Variants in GATAD2B observed in about 807,000 individuals in gnomAD.
The protein encoded by GATAD2B is transcriptional repressor p66-beta.
GATAD2B carries 8 observed loss-of-function variants against 64.3 expected under a neutral mutation model. The observed-to-expected ratio is 0.12, with a 90% CI of 0.07 to 0.22. GATAD2B has a LOEUF of 0.22. Ranked by LOEUF, GATAD2B falls within the 10% of genes least tolerant of loss-of-function variation. GATAD2B has a pLI of 1.00. For synonymous variants in GATAD2B, 281 were observed against 271.3 expected (o/e 1.04, Z -0.35); for missense variants, 453 against 752.0 (o/e 0.60, Z 4.65).
chr1:153,859,434 C>T (rs1179178268), intron 1 of GATAD2B, among the ~76,000 whole-genome samples: 2 of 151,402 alleles, frequency 1.3e-5, no homozygotes, highest in Non-Finnish European at 2.9e-5. Flanking sequence ...CTTTGGGAGA[C>T]CCAGGTGGGT....
At chr1:153,841,751 C>T (rs1557797466) in intron 1 of GATAD2B, among the ~76,000 whole-genome samples, 1 of 152,098 alleles carries the variant, frequency 6.6e-6, no homozygotes, top group Non-Finnish European at 1.5e-5. Flanking sequence ...CTGCTATGAA[C>T]ATTCATGGGA....
chr1:153,914,020 G>A (rs1262609271), intron 1 of GATAD2B, among the ~76,000 whole-genome samples: 2 of 150,836 alleles, frequency 1.3e-5, no homozygotes, highest in Admixed American at 1.3e-4. Flanking sequence ...CAAGGCAGGC[G>A]GATCACAAGG....
chr1:153,915,914 T>A (rs1210132120), intron 1 of GATAD2B, among the ~76,000 whole-genome samples: 1 of 152,056 alleles, frequency 6.6e-6, no homozygotes, highest in African/African-American at 2.4e-5. Context: ...ACTAAATACT[T>A]TTAAGATGAG....
chr1:153,919,930 A>G (rs577988067), intron 1 of GATAD2B, among the ~76,000 whole-genome samples: 3 of 152,250 alleles, frequency 2.0e-5, no homozygotes, highest in African/African-American at 7.2e-5. Context: ...TTATGGCTCA[A>G]ATCTTACGAT....
intron 3 of GATAD2B, 110 bp downstream of exon 3, chr1:153,819,496 G>T: frequency 2.7e-6 from 2 of 752,506 alleles, no homozygotes; most frequent in Non-Finnish European, 4.3e-6. Context: ...TCATCAATGG[G>T]TATTTATATC....
At chr1:153,902,861 T>C (rs1557830546) in intron 1 of GATAD2B, among the ~76,000 whole-genome samples, 1 of 152,192 alleles carries the variant, frequency 6.6e-6, no homozygotes, top group Admixed American at 6.6e-5. Context: ...CATACTACTT[T>C]ACATAGTAGG....
chr1:153,847,059 TG>T (rs1675712396), intron 1 of GATAD2B, among the ~76,000 whole-genome samples: 1 of 152,010 alleles, frequency 6.6e-6, no homozygotes, highest in South Asian at 2.1e-4. Flanking sequence ...CTCTGCTTCC[TG>T]GTTTTAAGTG....
chr1:153,873,755 G>A (rs1429412405), intron 1 of GATAD2B, among the ~76,000 whole-genome samples: 3 of 152,144 alleles, frequency 2.0e-5, no homozygotes, highest in Non-Finnish European at 4.4e-5. Flanking sequence ...TCCAGCCTAG[G>A]CAACATAGTG....
intron 1 of GATAD2B, among the ~76,000 whole-genome samples, chr1:153,875,465 A>C (rs1472984309): frequency 1.3e-5 from 2 of 152,172 alleles, no homozygotes; most frequent in Non-Finnish European, 2.9e-5. Flanking sequence ...CAGGTTAGAC[A>C]AGCTTGATCT....
chr1:153,877,470 T>A (rs932657652), intron 1 of GATAD2B, among the ~76,000 whole-genome samples: 21 of 151,674 alleles, frequency 1.4e-4, no homozygotes, highest in African/African-American at 2.2e-4. Context: ...AAAAAAAAAA[T>A]TTCTCATCTA....
At chr1:153,820,806 T>C (rs1674651463) in intron 2 of GATAD2B, among the ~76,000 whole-genome samples, 4 of 151,798 alleles carry the variant, frequency 2.6e-5, no homozygotes, top group Admixed American at 2.6e-4. Context: ...ATTTTTGTAC[T>C]TTTTGTAGAG....
At chr1:153,815,297 A>AAAAAAAAAAAAAAAG (rs1674438675) in intron 7 of GATAD2B, among the ~76,000 whole-genome samples, 1 of 148,582 alleles carries the variant, frequency 6.7e-6, no homozygotes, top group Non-Finnish European at 1.5e-5. Context: ...AAAAAACAAA[A>AAAAAAAAAAAAAAAG]AAAAAAAAAA....
chr1:153,808,482 ATTACT>A lies in GATAD2B; in HGVS notation c.*1690_*1694del, dbSNP rs887604526. 4.6e-5 allele frequency: 7 copies of A among 152,626 alleles called. No homozygotes were observed. The highest frequency in any genetic ancestry group is 4.6e-4 in the Admixed American group (7 of 15,286). 9.5% of individuals were successfully genotyped at this position (152,626 alleles called of 1,614,324 possible). Reference sequence around the variant, plus strand: ...ATTTTAAAAGTGCCTTCTTTAAAAAATTACTTAATTTTAAAAAATAAAAGTGGGGA... The same window carrying A: ...ATTTTAAAAGTGCCTTCTTTAAAAAATAATTTTAAAAAATAAAAGTGGGGA... On this transcript the variant is annotated 3_prime_UTR_variant, in exon 11 of 11. Transcript: ENST00000368655.
Position 153,922,785 on chromosome 1 carries a change from A to C in GATAD2B, c.-54T>G, listed in dbSNP as rs1213754619. On this transcript the variant is annotated 5_prime_UTR_variant, in exon 1 of 11. Coordinates refer to ENST00000368655, the MANE Select transcript of GATAD2B (RefSeq NM_020699.4). ...AGCTCGCCTCCTCAGGCGGCGGCGG[A>C]GGCGTCGAAAAAGGAAGAGGCGACG... 1 of 138,854 alleles carries C rather than the reference A, an allele frequency of 7.2e-6. No homozygotes were observed. Among genetic ancestry groups the C allele is most frequent in the Non-Finnish European group, 1.5e-5 (1 of 65,826 alleles). The allele number at this position is 138,854 out of a possible 1,614,324, so 8.6% of individuals were successfully genotyped here.
At position 153,904,410 on chromosome 1, in the gene GATAD2B, CAAG is replaced by C. The variant is rs200168476; in HGVS notation, c.-2+18320_-2+18322del. 1.4e-3 allele frequency among the ~76,000 whole-genome samples: 209 copies of C among 152,080 alleles called. No homozygotes were observed. In the East Asian group the frequency reaches 0.029, roughly 21 times the overall value. On this transcript the variant is annotated intron_variant, in intron 1 of 10. Coordinates refer to ENST00000368655, the MANE Select transcript of GATAD2B (RefSeq NM_020699.4). ...AAACTAGGAAGTTAAAAGACAGTGACAAGAAAGTTTTCACTCTATATCTTAATT... is the reference window on the plus strand; with the variant it reads ...AAACTAGGAAGTTAAAAGACAGTGACAAAGTTTTCACTCTATATCTTAATT...
intron 1 of GATAD2B, chr1:153,853,426 G>A (rs1675976657): frequency 1.6e-6 from 1 of 632,558 alleles, no homozygotes; most frequent in Non-Finnish European, 2.9e-6. Flanking sequence ...TCTTCCTGGA[G>A]AAATAAATCA....
At chr1:153,810,411 C>T in intron 10 of GATAD2B, 101 bp from the exon 11 acceptor site, 2 of 1,118,342 alleles carry the variant, frequency 1.8e-6, no homozygotes, top group African/African-American at 1.6e-5. Flanking sequence ...GGAAAGGAAG[C>T]AGAATTTACC....
chr1:153,832,796 T>C (rs890443986), intron 1 of GATAD2B, among the ~76,000 whole-genome samples: 3 of 152,186 alleles, frequency 2.0e-5, no homozygotes, highest in African/African-American at 7.2e-5. Context: ...AACCCTTATC[T>C]CCCACTCCAT....
At chr1:153,890,119 C>T (rs1043694630) in intron 1 of GATAD2B, among the ~76,000 whole-genome samples, 48 of 150,472 alleles carry the variant, frequency 3.2e-4, no homozygotes, top group Admixed American at 4.7e-4. Flanking sequence ...TTGCAGTGAG[C>T]CAAGATCGCG....
Sources: allele counts gnomAD v4.1 joint callset (sites outside exome capture counted in the v4.1 genomes callset), GRCh38; gene constraint gnomAD v4.1.1; transcripts MANE v1.5; gene names NCBI Gene and HGNC (gene_info 2026-07-23, HGNC 2026-07-21).